The following MARCHF10 variants were observed in gnomAD, a reference collection of about 807,000 sequenced individuals.
The protein encoded by MARCHF10 is probable E3 ubiquitin-protein ligase MARCHF10.
MARCHF10 carries 64 observed loss-of-function variants against 76.2 expected under a neutral mutation model. That is an observed-to-expected ratio of 0.84 (90% CI 0.69 to 1.03). MARCHF10 has a LOEUF of 1.03. Ranked by LOEUF, MARCHF10 falls within the 50% of genes least tolerant of loss-of-function variation. The pLI, the probability that MARCHF10 is intolerant of heterozygous loss-of-function variation, is 0.00. For missense variants in MARCHF10, 875 were observed against 958.0 expected, an observed-to-expected ratio of 0.91 and a Z score of 1.14; for synonymous variants, 340 against 357.5, an observed-to-expected ratio of 0.95 and a Z score of 0.55.
chr17:62,729,282 A>G (rs1379223886), intron 6 of MARCHF10, among the ~76,000 whole-genome samples: 1 of 151,886 alleles, frequency 6.6e-6, no homozygotes, highest in African/African-American at 2.4e-5. Flanking sequence ...ATGTATGCCA[A>G]CAAAGAGAGA....
At chr17:62,704,261 G>A (rs1409458068) in intron 10 of MARCHF10, among the ~76,000 whole-genome samples, 1 of 151,864 alleles carries the variant, frequency 6.6e-6, no homozygotes, top group Non-Finnish European at 1.5e-5. Flanking sequence ...GGTGCGGCGT[G>A]CGCCCGCGAC....
intron 6 of MARCHF10, among the ~76,000 whole-genome samples, chr17:62,731,710 C>T (rs982825102): frequency 2.0e-5 from 3 of 152,252 alleles, no homozygotes; most frequent in South Asian, 2.1e-4. Context: ...ACATTAAGAA[C>T]CTTAAGACTC....
In MARCHF10 at chr17:62,701,536, A is replaced by C. The variant is rs950463229; in HGVS notation, c.*167T>G. ...TAGACTGGTCGCTGTGGCTGCCCAT[A>C]GATGCTCAAGCCAGACCCCAAAAGA... On this transcript the variant is annotated 3_prime_UTR_variant, in exon 11 of 11. Coordinates refer to ENST00000311269, the MANE Select transcript of MARCHF10 (RefSeq NM_152598.4). The C allele has an allele frequency of 4.1e-6, 6 of 1,471,174 alleles. No homozygotes were observed. The African/African-American group carries it at 5.6e-5, about 14-fold the overall frequency. The allele number at this position is 1,471,174 out of a possible 1,614,324, so 91.1% of individuals were successfully genotyped here.
chr17:62,776,863 C>T (rs2092563136), intron 3 of MARCHF10, among the ~76,000 whole-genome samples: 1 of 152,180 alleles, frequency 6.6e-6, no homozygotes, highest in African/African-American at 2.4e-5. Flanking sequence ...CCAAAGGAAC[C>T]TGGTGTTTTA....
chr17:62,746,183 C>G (rs1156609234), intron 4 of MARCHF10, among the ~76,000 whole-genome samples: 4 of 152,224 alleles, frequency 2.6e-5, no homozygotes, highest in Non-Finnish European at 5.9e-5. Flanking sequence ...CTACTTACTT[C>G]TGACGGGCCC....
At chr17:62,708,534 G>A (rs944560683) in intron 9 of MARCHF10, among the ~76,000 whole-genome samples, 4 of 152,158 alleles carry the variant, frequency 2.6e-5, no homozygotes, top group East Asian at 1.9e-4. Flanking sequence ...GTGAGCCACC[G>A]CACCTGGCCA....
intron 8 of MARCHF10, among the ~76,000 whole-genome samples, chr17:62,713,877 A>G (rs1278045545): frequency 6.6e-6 from 1 of 152,190 alleles, no homozygotes; most frequent in African/African-American, 2.4e-5. Flanking sequence ...GAAACAGCGC[A>G]AAAGGGCTCC....
intron 9 of MARCHF10, among the ~76,000 whole-genome samples, chr17:62,708,312 C>CT (rs1199538280): frequency 6.6e-6 from 1 of 151,038 alleles, no homozygotes; most frequent in Non-Finnish European, 1.5e-5. Context: ...GTGGCGCCGT[C>CT]TCGGCTCACT....
intron 10 of MARCHF10, chr17:62,705,212 A>C (rs2089502735): frequency 1.6e-6 from 2 of 1,271,404 alleles, no homozygotes; most frequent in South Asian, 3.5e-5. Context: ...ACCAACCCCC[A>C]AACTCTCCAA....
At chr17:62,803,023 C>A (rs546439991) in intron 1 of MARCHF10, among the ~76,000 whole-genome samples, 1 of 152,318 alleles carries the variant, frequency 6.6e-6, no homozygotes, top group African/African-American at 2.4e-5. Flanking sequence ...GTGGTGTGAT[C>A]ATAACTCACT....
chr17:62,753,112 C>G (rs188900767), intron 4 of MARCHF10, among the ~76,000 whole-genome samples: 1 of 152,062 alleles, frequency 6.6e-6, no homozygotes, highest in Admixed American at 6.5e-5. Context: ...CTCTCTCTCT[C>G]TTTTTGAGAT....
intron 10 of MARCHF10, chr17:62,705,061 GT>G: frequency 9.8e-7 from 1 of 1,015,278 alleles, no homozygotes; most frequent in South Asian, 4.0e-5. Context: ...TGTTTGCTTT[GT>G]TCAACCTCTG....
At chr17:62,783,547 G>C (rs1343320035) in intron 3 of MARCHF10, among the ~76,000 whole-genome samples, 2 of 151,982 alleles carry the variant, frequency 1.3e-5, no homozygotes. Flanking sequence ...GAAGGAGACA[G>C]ACATACAAAA....
intron 2 of MARCHF10, among the ~76,000 whole-genome samples, chr17:62,800,325 C>T (rs566320125): frequency 2.4e-4 from 36 of 152,294 alleles, no homozygotes; most frequent in African/African-American, 7.9e-4. Context: ...CATGCCTGTT[C>T]TGGAGACAAT....
At chr17:62,787,768 A>C (rs148131934) in intron 3 of MARCHF10, among the ~76,000 whole-genome samples, 5 of 152,164 alleles carry the variant, frequency 3.3e-5, no homozygotes, top group Non-Finnish European at 7.3e-5. Context: ...ATAGATAGAT[A>C]GATAGATAAG....
At chr17:62,737,460 C>A (rs1402231838) in intron 5 of MARCHF10, 128 bp from the exon 6 acceptor site, 9 of 852,954 alleles carry the variant, frequency 1.1e-5, no homozygotes, top group South Asian at 1.6e-5. Flanking sequence ...CAGACACGGT[C>A]AAAATGGCTG....
chr17:62,711,991 C>T lies in MARCHF10; in HGVS notation c.2215-647G>A, dbSNP rs1174909188. ...TTTTCTCGCTGGTGCTCAGAACAGG[C>T]GCTACACAGGGAGGATGTGATGGTC... is the stretch of plus-strand genomic sequence containing the variant. On this transcript the variant is annotated intron_variant, in intron 8 of 10. Transcript: ENST00000311269. The surrounding 1 kb of genome is among the most constrained non-coding windows in gnomAD (Gnocchi z 4.4). 2.0e-5 allele frequency among the ~76,000 whole-genome samples: 3 copies of T among 152,160 alleles called. No homozygotes were observed. The highest frequency in any genetic ancestry group is 1.9e-4 in the East Asian group (1 of 5,178).
chr17:62,762,615 C>T (rs1274491558), intron 3 of MARCHF10, among the ~76,000 whole-genome samples: 3 of 152,158 alleles, frequency 2.0e-5, no homozygotes, highest in South Asian at 2.1e-4. Context: ...AGCGCGATCT[C>T]GGTTCACTGC....
chr17:62,702,223 C>T (rs2089284550), intron 10 of MARCHF10, among the ~76,000 whole-genome samples: 1 of 151,910 alleles, frequency 6.6e-6, no homozygotes, highest in Non-Finnish European at 1.5e-5. Context: ...GCAAGAGGCA[C>T]TGGGACGCAG....
Sources: gnomAD v4.1 joint callset for allele counts (sites outside exome capture counted in the v4.1 genomes callset) on GRCh38, gnomAD v4.1.1 for gene constraint, Gnocchi (gnomAD v3.1) non-coding constraint, MANE v1.5 for transcripts, NCBI Gene and HGNC (gene_info 2026-07-23, HGNC 2026-07-21) for gene names.